Variants in WNT9B observed in about 807,000 individuals in gnomAD.
The protein encoded by WNT9B is protein Wnt-9b.
A neutral mutation model predicts 30.2 loss-of-function variants in WNT9B; 12 were observed. The ratio of observed to expected loss-of-function variants is 0.40; its 90% CI spans 0.26 to 0.64. The LOEUF (loss-of-function observed/expected upper bound fraction) is 0.64, where lower values mean the gene tolerates loss of function less well. Among genes scored for constraint, WNT9B ranks in the 30% least tolerant of loss-of-function variants. The pLI, the probability that WNT9B is intolerant of heterozygous loss-of-function variation, is 0.42. For missense variants in WNT9B, 442 were observed against 485.2 expected (o/e 0.91, Z 0.84); for synonymous variants, 218 against 216.9 (o/e 1.01, Z -0.05).
chr17:46,842,084 T>C (rs2084722372), intron 1 of WNT9B, among the ~76,000 whole-genome samples: 1 of 152,146 alleles, frequency 6.6e-6, no homozygotes, highest in Non-Finnish European at 1.5e-5. Context: ...TCCCTCCAGG[T>C]CCTCTCCCAC....
intron 1 of WNT9B, among the ~76,000 whole-genome samples, chr17:46,862,210 A>G (rs1378305892): frequency 6.6e-6 from 1 of 151,984 alleles, no homozygotes; most frequent in African/African-American, 2.4e-5. Context: ...AAAGAAAAGT[A>G]ATATAGGAGG....
chr17:46,833,208 C>T (rs372972505), exon 1 of WNT9B: 6 of 396,400 alleles, frequency 1.5e-5, no homozygotes, highest in African/African-American at 8.3e-5. Flanking sequence ...GTCAGCAAAC[C>T]GGGAAGCAGC....
chr17:46,847,453 G>T (rs899447986), upstream of WNT9B, among the ~76,000 whole-genome samples: 11 of 152,356 alleles, frequency 7.2e-5, no homozygotes, highest in Admixed American at 2.0e-4. Context: ...CAAGGGCATT[G>T]CCAATACAGT....
chr17:46,874,789 A>T (rs550346456), intron 2 of WNT9B, among the ~76,000 whole-genome samples: 1 of 152,114 alleles, frequency 6.6e-6, no homozygotes, highest in East Asian at 1.9e-4. Context: ...TATTGGCCAG[A>T]CTGGTCTTGA....
At chr17:46,876,187 A>G (rs1205905741) in intron 3 of WNT9B, 58 bp from the exon 4 acceptor site, 1 of 1,486,324 alleles carries the variant, frequency 6.7e-7, no homozygotes, top group African/African-American at 1.4e-5. Context: ...CTCTGGGGGC[A>G]GGCTCTGGCT....
intron 1 of WNT9B, among the ~76,000 whole-genome samples, chr17:46,836,688 G>A (rs2084636325): frequency 6.6e-6 from 1 of 152,214 alleles, no homozygotes; most frequent in African/African-American, 2.4e-5. Context: ...TGTGGAGAAA[G>A]TGACTGGCCT....
downstream of WNT9B, among the ~76,000 whole-genome samples, chr17:46,880,922 G>C (rs571202904): frequency 6.6e-6 from 1 of 152,294 alleles, no homozygotes; most frequent in African/African-American, 2.4e-5. Flanking sequence ...CATGGCTCAG[G>C]GTGGGGCGGG....
intron 1 of WNT9B, among the ~76,000 whole-genome samples, chr17:46,836,693 T>G (rs1319883985): frequency 6.6e-6 from 1 of 152,198 alleles, no homozygotes; most frequent in Non-Finnish European, 1.5e-5. Context: ...AGAAAGTGAC[T>G]GGCCTTCCTG....
chr17:46,885,309 AT>A (rs34009460), downstream of WNT9B: 3,177 of 207,288 alleles, frequency 0.015, no homozygotes, highest in South Asian at 0.03. Context: ...CCTGGCCAGC[AT>A]TTTTTTTTTT....
Position 46,876,653 on chromosome 17 carries a change from T to G in WNT9B, c.1009T>G (p.Trp337Gly). The G allele has an allele frequency of 6.2e-7, 1 of 1,606,160 alleles. No individual in the cohort carries two copies. The highest frequency in any genetic ancestry group is 8.5e-7 in the Non-Finnish European group (1 of 1,174,520). The change falls in exon 4 of 4, where the codon TGG becomes GGG. Residue 337 changes from tryptophan to glycine, a missense_variant. Coordinates refer to ENST00000290015, the MANE Select transcript of WNT9B (RefSeq NM_003396.3). ...VAFSCHCQVQ[W>G]CCYVECQQCV... ...CTTCTCCTGCCACTGCCAGGTGCAG[T>G]GGTGCTGCTACGTGGAGTGCCAGCA...
Position 46,872,626 on chromosome 17 carries a change from C to T in WNT9B, c.187C>T (p.Arg63Trp), listed in dbSNP as rs566511950. The change falls in exon 2 of 4, where the codon CGG becomes TGG. Residue 63 changes from arginine to tryptophan, a missense_variant. Arg to Trp is a moderately radical substitution (Grantham distance 101). Coordinates refer to ENST00000290015, the MANE Select transcript of WNT9B (RefSeq NM_003396.3). ...KQCDLLKLSR[R>W]QKQLCRREPG... is the part of the protein sequence containing the mutation. ...GTGTGACCTGCTGAAGCTGTCCCGGCGGCAGAAGCAGCTCTGCCGGAGGGA... is the reference window on the plus strand; with the variant it reads ...GTGTGACCTGCTGAAGCTGTCCCGGTGGCAGAAGCAGCTCTGCCGGAGGGA... 84 of 1,613,360 alleles carry T rather than the reference C, an allele frequency of 5.2e-5. No homozygotes were observed. Among genetic ancestry groups the T allele is most frequent in the East Asian group, 8.9e-5 (4 of 44,864 alleles).
At position 46,854,022 on chromosome 17, in the gene WNT9B, C is replaced by T. The variant is rs565614417; in HGVS notation, c.77+2307C>T. 1.1e-3 allele frequency among the ~76,000 whole-genome samples: 169 copies of T among 152,208 alleles called. 1 individual carries two copies. The highest frequency in any genetic ancestry group is 3.8e-3 in the African/African-American group (156 of 41,530). ...GGTTAGGGCTGAGAGGGATGAGTATCGGAGCCACCTCTTCCAGGTCAGGAG... is the reference window on the plus strand; with the variant it reads ...GGTTAGGGCTGAGAGGGATGAGTATTGGAGCCACCTCTTCCAGGTCAGGAG... On this transcript the variant is annotated intron_variant, in intron 1 of 3. Transcript: ENST00000290015.
chr17:46,860,805 T>A (rs1309548006), intron 1 of WNT9B, among the ~76,000 whole-genome samples: 1 of 152,262 alleles, frequency 6.6e-6, no homozygotes, highest in Non-Finnish European at 1.5e-5. Flanking sequence ...CCTCACATTG[T>A]GGCAACCCAG....
At chr17:46,865,977 A>G (rs9889570) in intron 1 of WNT9B, among the ~76,000 whole-genome samples, 2,972 of 152,298 alleles carry the variant, frequency 0.02, 89 homozygotes, top group African/African-American at 0.068. Context: ...TAAATGAATG[A>G]GCGAGTAAGT....
intron 1 of WNT9B, among the ~76,000 whole-genome samples, chr17:46,840,898 C>A (rs750533253): frequency 6.6e-6 from 1 of 152,150 alleles, no homozygotes; most frequent in Non-Finnish European, 1.5e-5. Flanking sequence ...TGGATATTAG[C>A]CCTTTGCAGG....
intron 2 of WNT9B, among the ~76,000 whole-genome samples, chr17:46,874,282 C>T (rs1475374945): frequency 1.3e-5 from 2 of 152,152 alleles, no homozygotes; most frequent in Non-Finnish European, 2.9e-5. Flanking sequence ...GGGTCTATTC[C>T]ACAGTGGGTA....
At chr17:46,848,407 C>T (rs2084802128), upstream of WNT9B, among the ~76,000 whole-genome samples, 2 of 152,238 alleles carry the variant, frequency 1.3e-5, no homozygotes, top group African/African-American at 4.8e-5. Context: ...GTGCCAGACT[C>T]TGGAGACACA....
chr17:46,874,963 C>T (rs1317249885), intron 2 of WNT9B, 138 bp from the exon 3 acceptor site: 6 of 1,366,454 alleles, frequency 4.4e-6, no homozygotes, highest in Non-Finnish European at 6.3e-6. Context: ...GTCCTCAAGC[C>T]ACATTCTCTT....
chr17:46,872,886 T>G, intron 2 of WNT9B, 113 bp downstream of exon 2: 1 of 1,258,658 alleles, frequency 7.9e-7, no homozygotes, highest in Non-Finnish European at 1.1e-6. Flanking sequence ...CAGGCCACAC[T>G]GCCCTTCCTG....
Sources: allele counts gnomAD v4.1 joint callset (sites outside exome capture counted in the v4.1 genomes callset), GRCh38; gene constraint gnomAD v4.1.1; transcripts MANE v1.5; gene names NCBI Gene and HGNC (gene_info 2026-07-23, HGNC 2026-07-21).